Variants in TMEM232 observed in about 807,000 individuals in gnomAD.
The protein encoded by TMEM232 is transmembrane protein 232.
In TMEM232, 80 loss-of-function variants were observed where a neutral mutation model predicts 78.8. The ratio of observed to expected loss-of-function variants is 1.01; its 90% CI spans 0.85 to 1.22. The LOEUF (loss-of-function observed/expected upper bound fraction) is 1.22, where lower values mean the gene tolerates loss of function less well. TMEM232 is among the 50% of genes most tolerant of loss of function. TMEM232 has a pLI of 0.00. For missense variants in TMEM232, 881 were observed against 742.2 expected (o/e 1.19, Z -2.17); for synonymous variants, 297 against 254.3 (o/e 1.17, Z -1.60).
chr5:110,459,424 T>G (rs1761253277), intron 12 of TMEM232, among the ~76,000 whole-genome samples: 1 of 152,144 alleles, frequency 6.6e-6, no homozygotes, highest in Non-Finnish European at 1.5e-5. Context: ...TAGGAATAAG[T>G]CCTGTTTTTT....
chr5:110,417,380 T>C (rs1756260898), downstream of TMEM232, among the ~76,000 whole-genome samples: 1 of 152,096 alleles, frequency 6.6e-6, no homozygotes, highest in South Asian at 2.1e-4. Flanking sequence ...AGCTGAACAA[T>C]AAGACAGTAG....
intron 2 of TMEM232, among the ~76,000 whole-genome samples, chr5:110,406,258 A>ATC (rs1491158533): frequency 1.2e-5 from 1 of 84,600 alleles, no homozygotes; most frequent in East Asian, 4.3e-4. Flanking sequence ...TATGACACAG[A>ATC]TATATATACA....
At chr5:110,652,149 T>C (rs1440308413) in intron 2 of TMEM232, among the ~76,000 whole-genome samples, 1 of 152,218 alleles carries the variant, frequency 6.6e-6, no homozygotes, top group Non-Finnish European at 1.5e-5. Flanking sequence ...TGCATTTAGC[T>C]GTTTTTCTAA....
intron 12 of TMEM232, among the ~76,000 whole-genome samples, chr5:110,428,652 T>C (rs1175918674): frequency 6.6e-6 from 1 of 151,778 alleles, no homozygotes; most frequent in Non-Finnish European, 1.5e-5. Flanking sequence ...TGTCTTTTTT[T>C]TTTTTTCCCC....
chr5:110,497,968 G>A (rs577102393), intron 12 of TMEM232, among the ~76,000 whole-genome samples: 29 of 152,118 alleles, frequency 1.9e-4, no homozygotes, highest in African/African-American at 5.5e-4. Context: ...GATATGGGTC[G>A]TACAAGACAA....
chr5:110,454,207 T>G lies in TMEM232; in HGVS notation c.1704-29291A>C, dbSNP rs544735379. 2.7e-3 allele frequency among the ~76,000 whole-genome samples: 418 copies of G among 152,302 alleles called. 2 individuals carry two copies. The highest frequency in any genetic ancestry group is 9.7e-3 in the African/African-American group (402 of 41,568). On this transcript the variant is annotated intron_variant, in intron 12 of 13. Transcript: ENST00000455884. Reference sequence around the variant, plus strand: ...CTAACAACAGCAGAATACAAACTATTTTCAAGTACACATAAAATATCCACC... The same window carrying G: ...CTAACAACAGCAGAATACAAACTATGTTCAAGTACACATAAAATATCCACC...
chr5:110,687,926 G>A (rs1793629721), intron 1 of TMEM232, among the ~76,000 whole-genome samples: 1 of 152,054 alleles, frequency 6.6e-6, no homozygotes, highest in Non-Finnish European at 1.5e-5. Flanking sequence ...GTAACACAAT[G>A]TCCCTTTTGG....
chr5:110,587,428 C>T (rs571409517), intron 10 of TMEM232, among the ~76,000 whole-genome samples: 51 of 151,858 alleles, frequency 3.4e-4, no homozygotes, highest in African/African-American at 1.2e-3. Context: ...TTGCTAGTAC[C>T]GTGACTATTA....
At chr5:110,524,335 GAAAAAGAAAGAGAAAGAAAGAAAGAA>G (rs1167155300) in intron 12 of TMEM232, among the ~76,000 whole-genome samples, 7 of 122,216 alleles carry the variant, frequency 5.7e-5, no homozygotes, top group African/African-American at 9.4e-5. Flanking sequence ...AAGGGAGAGA[GAAAAAGAAAGAGAAAGAAAGAAAGAA>G]AAAAAGAAAG....
At chr5:110,655,581 A>T (rs953611340) in intron 2 of TMEM232, among the ~76,000 whole-genome samples, 5 of 146,682 alleles carry the variant, frequency 3.4e-5, no homozygotes, top group African/African-American at 1.0e-4. Flanking sequence ...ACCATAAATC[A>T]TGCTGTTATA....
intron 10 of TMEM232, among the ~76,000 whole-genome samples, chr5:110,572,444 T>G (rs1231136708): frequency 1.3e-5 from 2 of 152,036 alleles, no homozygotes; most frequent in African/African-American, 4.8e-5. Context: ...ATACAGTGAA[T>G]TTTAACTAAT....
intron 2 of TMEM232, among the ~76,000 whole-genome samples, chr5:110,652,122 G>C (rs1465278309): frequency 6.6e-6 from 1 of 152,128 alleles, no homozygotes; most frequent in Admixed American, 6.6e-5. Flanking sequence ...GAAATGAACT[G>C]TCTGACTCAA....
chr5:110,561,114 T>G (rs1184786703), intron 11 of TMEM232, among the ~76,000 whole-genome samples: 1 of 152,168 alleles, frequency 6.6e-6, no homozygotes, highest in Non-Finnish European at 1.5e-5. Flanking sequence ...CCTTTTTATA[T>G]TCTTGTTACC....
intron 12 of TMEM232, among the ~76,000 whole-genome samples, chr5:110,453,808 T>C (rs1760578313): frequency 6.6e-6 from 1 of 151,296 alleles, no homozygotes; most frequent in African/African-American, 2.4e-5. Flanking sequence ...AAACTAAGGT[T>C]CAGTTTTAAT....
At chr5:110,517,953 T>C (rs1038596140) in intron 12 of TMEM232, among the ~76,000 whole-genome samples, 1 of 152,200 alleles carries the variant, frequency 6.6e-6, no homozygotes, top group African/African-American at 2.4e-5. Context: ...TTGCATATTG[T>C]CTTTCCCTTC....
chr5:110,637,182 T>C (rs1167402727), intron 5 of TMEM232, among the ~76,000 whole-genome samples: 1 of 150,962 alleles, frequency 6.6e-6, no homozygotes, highest in Non-Finnish European at 1.5e-5. Flanking sequence ...CATATTTTAG[T>C]GGACAGTTTT....
In TMEM232 at chr5:110,579,273, C is replaced by A. The variant is rs891936979; in HGVS notation, c.1277-10648G>T. Among the ~76,000 whole-genome samples the A allele has an allele frequency of 2.7e-5, 4 of 148,274 alleles. No homozygotes were observed. In the East Asian group the frequency reaches 6.0e-4, roughly 22 times the overall value. ...AAAACTGCAGTTTAAAAAAAAAAAA[C>A]CGAAATACTTTCTCAGACAAACAAA... On this transcript the variant is annotated intron_variant, in intron 10 of 13. Transcript: ENST00000455884.
chr5:110,738,293 AG>A (rs1363709906), upstream of TMEM232: 1 of 1,262,980 alleles, frequency 7.9e-7, no homozygotes, highest in South Asian at 1.3e-5. Flanking sequence ...ATTCAATTAG[AG>A]GTCCCAATTT....
intron 7 of TMEM232, 95 bp downstream of exon 7, chr5:110,625,172 A>G (rs1406036640): frequency 1.6e-6 from 2 of 1,261,966 alleles, no homozygotes; most frequent in Non-Finnish European, 2.1e-6. Context: ...TCATTCCTCA[A>G]TGTCTACTGT....
Sources: allele counts gnomAD v4.1 joint callset (sites outside exome capture counted in the v4.1 genomes callset), GRCh38; gene constraint gnomAD v4.1.1; transcripts MANE v1.5; gene names NCBI Gene and HGNC (gene_info 2026-07-23, HGNC 2026-07-21).